RELN: variants seen among roughly 807,000 people sequenced by gnomAD.
RELN encodes the protein reelin.
A neutral mutation model predicts 427.6 loss-of-function variants in RELN; 108 were observed. The ratio of observed to expected loss-of-function variants is 0.25; its 90% confidence interval spans 0.22 to 0.30. The LOEUF is 0.30. Among genes scored for constraint, RELN ranks in the 10% least tolerant of loss-of-function variants. The pLI, the probability that RELN is intolerant of heterozygous loss-of-function variation, is 1.00. For missense variants in RELN, 3,715 were observed against 4,302.8 expected, an observed-to-expected ratio of 0.86 and a Z score of 3.82; for synonymous variants, 1,524 against 1,513.4, an observed-to-expected ratio of 1.01 and a Z score of -0.16.
At position 103,682,100 on chromosome 7, in the gene RELN, G is replaced by C. The variant is rs763451322; in HGVS notation, c.1289+16C>G. The stretch of plus-strand genomic sequence containing the variant: ...TAAGTGCTACATACACAGCATGGGA[G>C]ATAGCAATTACTTACCCTGTAGGCT... On this transcript the variant is annotated intron_variant, in intron 11 of 64. Transcript: ENST00000428762. 2 of 1,611,184 alleles carry C rather than the reference G, an allele frequency of 1.2e-6. No individual in the cohort carries two copies. Among genetic ancestry groups the C allele is most frequent in the South Asian group, 1.1e-5 (1 of 91,016 alleles).
chr7:103,904,746 G>T (rs1795158686), intron 2 of RELN, among the ~76,000 whole-genome samples: 1 of 152,082 alleles, frequency 6.6e-6, no homozygotes, highest in Non-Finnish European at 1.5e-5. Context: ...TGAGAAAGGT[G>T]CTGAAGTTAA....
intron 20 of RELN, 77 bp downstream of exon 20, chr7:103,629,863 C>G: frequency 1.1e-6 from 1 of 938,984 alleles, no homozygotes; most frequent in Non-Finnish European, 1.8e-6. Flanking sequence ...TGACTAAATG[C>G]TGAATAGACT....
chr7:103,607,437 C>CT, intron 22 of RELN, among the ~76,000 whole-genome samples: 1 of 152,310 alleles, frequency 6.6e-6, no homozygotes. Flanking sequence ...ATTGCTGTGT[C>CT]TCTCCCTCAA....
At chr7:103,484,039 C>G (rs1828338341) in intron 61 of RELN, among the ~76,000 whole-genome samples, 189 bp from the exon 62 acceptor site, 1 of 151,974 alleles carries the variant, frequency 6.6e-6, no homozygotes, top group African/African-American at 2.4e-5. Context: ...GCCACCACGC[C>G]TGGCTAATTT....
intron 3 of RELN, among the ~76,000 whole-genome samples, chr7:103,799,126 C>T (rs12531131): frequency 0.25 from 37,510 of 151,988 alleles, 4,686 homozygotes; most frequent in East Asian, 0.34. Context: ...GAAGTTACAA[C>T]CTTACTAGTA....
At chr7:103,675,472 T>A (rs1431275773) in intron 11 of RELN, among the ~76,000 whole-genome samples, 1 of 152,134 alleles carries the variant, frequency 6.6e-6, no homozygotes, top group Non-Finnish European at 1.5e-5. Context: ...CCAAGGTAAT[T>A]TATAGATTCA....
At chr7:103,747,551 A>T (rs497536) in intron 6 of RELN, among the ~76,000 whole-genome samples, 1 of 151,770 alleles carries the variant, frequency 6.6e-6, no homozygotes, top group Admixed American at 6.6e-5. Flanking sequence ...GAGTCAAACC[A>T]GGGTAGTCTG....
intron 1 of RELN, among the ~76,000 whole-genome samples, chr7:103,926,367 T>C (rs974006506): frequency 1.3e-5 from 2 of 152,098 alleles, no homozygotes; most frequent in African/African-American, 2.4e-5. Context: ...GTGCTACGAT[T>C]ACAGGCGTGA....
intron 7 of RELN, among the ~76,000 whole-genome samples, chr7:103,727,200 T>G (rs1790233659): frequency 6.6e-6 from 1 of 152,066 alleles, no homozygotes; most frequent in Non-Finnish European, 1.5e-5. Flanking sequence ...TTAATGATTT[T>G]GAAACACAAT....
At chr7:103,939,344 A>G (rs897168476) in intron 1 of RELN, among the ~76,000 whole-genome samples, 2 of 152,228 alleles carry the variant, frequency 1.3e-5, no homozygotes, top group Non-Finnish European at 2.9e-5. Context: ...TAGAAAAATG[A>G]AGCAACATGT....
intron 6 of RELN, 25 bp from the exon 7 acceptor site, chr7:103,728,232 C>T (rs1479629678): frequency 6.2e-7 from 1 of 1,609,546 alleles, no homozygotes. Context: ...AACACAGTCC[C>T]CGTCTGAGAA....
intron 6 of RELN, among the ~76,000 whole-genome samples, chr7:103,743,530 G>T (rs1224487093): frequency 6.6e-6 from 1 of 152,150 alleles, no homozygotes; most frequent in African/African-American, 2.4e-5. Context: ...CTCACGTGCA[G>T]AGACATACAT....
intron 8 of RELN, among the ~76,000 whole-genome samples, chr7:103,710,353 G>T (rs537587335): frequency 2.0e-5 from 3 of 152,252 alleles, no homozygotes; most frequent in East Asian, 3.9e-4. Flanking sequence ...CATTTATTTT[G>T]GGTTAGTGTG....
intron 57 of RELN, 140 bp downstream of exon 57, chr7:103,495,583 A>T (rs1183423021): frequency 1.2e-6 from 1 of 811,942 alleles, no homozygotes; most frequent in African/African-American, 1.7e-5. Flanking sequence ...TTTGCAAAAG[A>T]TGACCTCTTT....
intron 2 of RELN, among the ~76,000 whole-genome samples, chr7:103,867,740 A>T (rs1336315108): frequency 3.3e-5 from 5 of 152,064 alleles, no homozygotes; most frequent in Non-Finnish European, 7.4e-5. Flanking sequence ...CCTTGACTGC[A>T]GGAGGCTATG....
In RELN at chr7:103,989,323, G is replaced by A. The variant is rs760894850; in HGVS notation, c.34C>T (p.Leu12Phe). 18 of 1,587,236 alleles carry A rather than the reference G, an allele frequency of 1.1e-5. No homozygotes were observed. Among genetic ancestry groups the A allele is most frequent in the East Asian group, 2.3e-5 (1 of 43,544 alleles). ...ERSGWARQTF[L>F]LALLLGATLR... Reference sequence around the variant, plus strand: ...GTCGCCCCCAGCAACAGCGCTAGGAGGAAAGTCTGCCGGGCCCAGCCACTG... The same window carrying A: ...GTCGCCCCCAGCAACAGCGCTAGGAAGAAAGTCTGCCGGGCCCAGCCACTG... The change falls in exon 1 of 65, where the codon CTC becomes TTC. Residue 12 changes from leucine (L) to phenylalanine (F), a missense_variant. By Grantham distance (22) the Leu-to-Phe change is conservative. Coordinates refer to ENST00000428762, the MANE Select transcript of RELN (RefSeq NM_005045.4). The surrounding 1 kb of genome is among the most constrained non-coding windows in gnomAD (Gnocchi z 4.9).
intron 1 of RELN, among the ~76,000 whole-genome samples, chr7:103,971,083 C>T (rs577297415): frequency 2.7e-5 from 4 of 146,424 alleles, no homozygotes; most frequent in East Asian, 2.0e-4. Flanking sequence ...ACCTGGGAGG[C>T]GGAGGATGCA....
At chr7:103,482,844 A>C (rs1828290487) in intron 63 of RELN, 29 bp downstream of exon 63, 2 of 1,614,034 alleles carry the variant, frequency 1.2e-6, no homozygotes, top group African/African-American at 2.7e-5. Flanking sequence ...CCTGAAATGG[A>C]CATGGGATGC....
intron 10 of RELN, among the ~76,000 whole-genome samples, chr7:103,694,467 A>AGATGATGATGATGATGATGATGAT (rs139140239): frequency 4.0e-5 from 6 of 148,686 alleles, no homozygotes; most frequent in Admixed American, 6.7e-5. Flanking sequence ...CAGTTAAATG[A>AGATGATGATGATGATGATGATGAT]GATGATGATG....
Sources: allele counts gnomAD v4.1 joint callset (sites outside exome capture counted in the v4.1 genomes callset), GRCh38; gene constraint gnomAD v4.1.1; non-coding constraint Gnocchi (gnomAD v3.1); transcripts MANE v1.5; gene names NCBI Gene and HGNC (gene_info 2026-07-23, HGNC 2026-07-21).